ADAM9: variants seen among roughly 807,000 people sequenced by gnomAD.
ADAM9 encodes the protein ADAM metallopeptidase domain 9, also known as disintegrin and metalloproteinase domain-containing protein 9.
Under a neutral mutation model 108.1 loss-of-function variants are expected in ADAM9, and 54 were observed. That is an observed-to-expected ratio of 0.50 (90% confidence interval 0.40 to 0.63). The LOEUF is 0.63. Among genes scored for constraint, ADAM9 ranks in the 20% least tolerant of loss-of-function variants. ADAM9 has a pLI of 0.00. For missense variants in ADAM9, 830 were observed against 997.7 expected, an observed-to-expected ratio of 0.83 and a Z score of 2.26; for synonymous variants, 316 against 336.0, an observed-to-expected ratio of 0.94 and a Z score of 0.65.
At chr8:39,019,011 T>C (rs1836645300) in intron 7 of ADAM9, 93 bp downstream of exon 7, 1 of 1,198,266 alleles carries the variant, frequency 8.3e-7, no homozygotes, top group Admixed American at 1.8e-5. Context: ...ATTGTTTGTA[T>C]TGATTTTACT....
intron 8 of ADAM9, 63 bp downstream of exon 8, chr8:39,021,777 C>A (rs1836749313): frequency 1.7e-5 from 24 of 1,424,430 alleles, no homozygotes; most frequent in Non-Finnish European, 2.2e-5. Context: ...CAGAACAGAA[C>A]TTAAAAATGT....
intron 16 of ADAM9, among the ~76,000 whole-genome samples, chr8:39,077,723 G>T (rs1838892485): frequency 1.3e-5 from 2 of 152,054 alleles, no homozygotes; most frequent in Non-Finnish European, 2.9e-5. Flanking sequence ...TGAATTTCAG[G>T]GTGTGTGTCT....
intron 1 of ADAM9, among the ~76,000 whole-genome samples, chr8:39,003,656 A>G (rs1454096262): frequency 2.0e-5 from 3 of 152,170 alleles, no homozygotes; most frequent in Non-Finnish European, 2.9e-5. Context: ...TTCCCCCAGT[A>G]TGTGCATTTG....
chr8:39,079,500 G>C (rs933045185), intron 16 of ADAM9, among the ~76,000 whole-genome samples: 6 of 151,900 alleles, frequency 3.9e-5, no homozygotes, highest in East Asian at 1.9e-4. Flanking sequence ...ATTTTTTGAG[G>C]CTTCTCATAT....
chr8:39,023,297 C>T lies in ADAM9; in HGVS notation c.886C>T (p.Arg296Trp), dbSNP rs146108214. ...QWREKFLITR[R>W]RHDSAQLVLK... Reference sequence around the variant, plus strand: ...GCGGGAAAAGTTTCTTATCACACGTCGGAGACATGACAGTGCACAGCTAGT... The same window carrying T: ...GCGGGAAAAGTTTCTTATCACACGTTGGAGACATGACAGTGCACAGCTAGT... The change falls in exon 9 of 22, where the codon CGG becomes TGG. Residue 296 changes from arginine (R) to tryptophan (W), a missense_variant. By Grantham distance (101) the Arg-to-Trp change is moderately radical (BLOSUM62 -3). Coordinates refer to ENST00000487273, the MANE Select transcript of ADAM9 (RefSeq NM_003816.3). The T allele has an allele frequency of 2.5e-5, 40 of 1,612,348 alleles. No individual in the cohort carries two copies. Among genetic ancestry groups the T allele is most frequent in the Admixed American group, 1.7e-4 (10 of 59,896 alleles).
At chr8:39,045,048 GTATGTGTGTGTGCATACATACA>G (rs1271267843) in intron 12 of ADAM9, among the ~76,000 whole-genome samples, 1,318 of 53,736 alleles carry the variant, frequency 0.025, 203 homozygotes, top group African/African-American at 0.081. Flanking sequence ...ATATGTATGT[GTATGTGTGTGTGCATACATACA>G]TATGTGTGTG....
intron 12 of ADAM9, among the ~76,000 whole-genome samples, chr8:39,047,726 TACTA>T (rs1204527956): frequency 6.6e-6 from 1 of 152,134 alleles, no homozygotes; most frequent in Non-Finnish European, 1.5e-5. Flanking sequence ...TTTTGAAAAA[TACTA>T]ACTCTTGGTT....
At position 39,101,887 on chromosome 8, in the gene ADAM9, G is replaced by A. The variant is rs762938942; in HGVS notation, c.2323G>A (p.Val775Ile). 6 of 1,613,450 alleles carry A rather than the reference G, an allele frequency of 3.7e-6. No individual in the cohort carries two copies. In the South Asian group the frequency reaches 4.4e-5, roughly 12 times the overall value. Residue 775 changes from valine to isoleucine, a missense_variant, in exon 21 of 22, where the codon GTA (valine) becomes ATA (isoleucine). Physicochemically the swap from Val to Ile is conservative, Grantham distance 29. This residue lies in a region of ADAM9 where 238 missense variants were observed against 235.7 expected (regional missense o/e 1.01). Transcript: ENST00000487273. ...EVPIYANRFA[V>I]PTYAAKQPQQ... ...GCCTATATATGCAAACAGATTTGCAGTACCAACCTATGCAGCCAAGCAACC... is the reference window on the plus strand; with the variant it reads ...GCCTATATATGCAAACAGATTTGCAATACCAACCTATGCAGCCAAGCAACC...
In ADAM9 at chr8:39,045,387, T is replaced by TGCGTGTGTACACACACCTATATGTGC. The variant is rs764213878; in HGVS notation, c.1302+3271_1302+3272insCGTGTGTACACACACCTATATGTGCG. 2.6e-4 allele frequency among the ~76,000 whole-genome samples: 12 copies of TGCGTGTGTACACACACCTATATGTGC among 46,696 alleles called. 2 individuals carry two copies. Among genetic ancestry groups the TGCGTGTGTACACACACCTATATGTGC allele is most frequent in the Non-Finnish European group, 4.3e-4 (8 of 18,570 alleles). The allele number at this position is 46,696 out of a possible 152,430, so 30.6% of individuals were successfully genotyped here. On this transcript the variant is annotated intron_variant, in intron 12 of 21. Transcript: ENST00000487273. ...AGGTGTGTGTACATACACCTATAGG[T>TGCGTGTGTACACACACCTATATGTGC]GTGTGTACACACACCTATATGTGCG... is the stretch of plus-strand genomic sequence containing the variant.
intron 14 of ADAM9, among the ~76,000 whole-genome samples, chr8:39,056,771 G>C (rs1452408645): frequency 6.6e-6 from 1 of 152,054 alleles, no homozygotes; most frequent in African/African-American, 2.4e-5. Flanking sequence ...GAGTTGATTA[G>C]TGGCATCAAG....
At chr8:39,073,008 T>A (rs1474816565) in intron 15 of ADAM9, among the ~76,000 whole-genome samples, 1 of 152,174 alleles carries the variant, frequency 6.6e-6, no homozygotes, top group African/African-American at 2.4e-5. Flanking sequence ...TTTTTGGAAT[T>A]TGAGATGTGC....
intron 12 of ADAM9, among the ~76,000 whole-genome samples, chr8:39,043,982 A>G (rs1837533378): frequency 6.6e-6 from 1 of 152,152 alleles, no homozygotes; most frequent in Non-Finnish European, 1.5e-5. Flanking sequence ...CTCTTCCTGT[A>G]TATTTTGAAA....
chr8:39,099,784 C>T (rs976107192), intron 20 of ADAM9, among the ~76,000 whole-genome samples: 1 of 151,920 alleles, frequency 6.6e-6, no homozygotes, highest in African/African-American at 2.4e-5. Flanking sequence ...ACATATCCAG[C>T]ACCTTGCTTG....
chr8:39,092,314 A>C (rs1839381837), intron 20 of ADAM9, among the ~76,000 whole-genome samples: 1 of 145,540 alleles, frequency 6.9e-6, no homozygotes, highest in South Asian at 2.2e-4. Flanking sequence ...GAAATCCTTC[A>C]TTTTTTAATA....
At chr8:39,044,047 ACT>A (rs1349076519) in intron 12 of ADAM9, among the ~76,000 whole-genome samples, 1 of 151,690 alleles carries the variant, frequency 6.6e-6, no homozygotes, top group Non-Finnish European at 1.5e-5. Context: ...TTGGCTTTTC[ACT>A]CTGTTGATTG....
intron 13 of ADAM9, among the ~76,000 whole-genome samples, chr8:39,054,938 A>G (rs751010485): frequency 4.6e-5 from 7 of 152,150 alleles, no homozygotes; most frequent in Non-Finnish European, 7.4e-5. Flanking sequence ...TTTCTATACA[A>G]ATGTGAGTGT....
intron 2 of ADAM9, among the ~76,000 whole-genome samples, chr8:39,009,964 A>AAACAATCC (rs1554572507): frequency 9.4e-6 from 1 of 106,530 alleles, no homozygotes; most frequent in Non-Finnish European, 1.8e-5. Context: ...ACAAAAACAA[A>AAACAATCC]CCCCCCCCCC....
At chr8:39,101,734 TA>T in intron 20 of ADAM9, 128 bp from the exon 21 acceptor site, 1 of 814,288 alleles carries the variant, frequency 1.2e-6, no homozygotes, top group South Asian at 1.8e-5. Flanking sequence ...CTTCTGGTTC[TA>T]AGCATTTCTG....
chr8:39,032,108 G>C (rs1332091648), intron 11 of ADAM9, among the ~76,000 whole-genome samples: 1 of 152,252 alleles, frequency 6.6e-6, no homozygotes, highest in East Asian at 1.9e-4. Context: ...GTGTCTCCCA[G>C]TTAGGCTACA....
Sources: gnomAD v4.1 joint callset for allele counts (sites outside exome capture counted in the v4.1 genomes callset) on GRCh38, gnomAD v4.1.1 for gene constraint, gnomAD v4.1.1 regional missense constraint, MANE v1.5 for transcripts, NCBI Gene and HGNC (gene_info 2026-07-23, HGNC 2026-07-21) for gene names.